Variants in PDLIM5 observed in about 807,000 individuals in gnomAD.
PDLIM5 encodes the protein PDZ and LIM domain protein 5.
A neutral mutation model predicts 64.2 loss-of-function variants in PDLIM5; 34 were observed. The observed-to-expected ratio is 0.53, with a 90% CI of 0.40 to 0.71. PDLIM5 has a LOEUF of 0.71. PDLIM5 is among the 30% of genes least tolerant of loss of function. The probability of loss-of-function intolerance (pLI) is 0.00; values close to 1 mark genes in which losing one functional copy is unlikely to be tolerated. For missense variants in PDLIM5, 683 were observed against 733.6 expected (o/e 0.93, Z 0.80); for synonymous variants, 253 against 269.1 (o/e 0.94, Z 0.59).
intron 3 of PDLIM5, among the ~76,000 whole-genome samples, chr4:94,572,683 T>C (rs1734908533): frequency 6.6e-6 from 1 of 152,220 alleles, no homozygotes; most frequent in Non-Finnish European, 1.5e-5. Context: ...CACTTATTAC[T>C]GATGACCTGT....
At position 94,608,388 on chromosome 4, in the gene PDLIM5, A is replaced by G. The variant is rs550721357; in HGVS notation, c.921-9616A>G. ...TTTAGTTTATAACTTCTAATATAGA[A>G]TCAAGAAATCTCTTTCATTTATTCA... On this transcript the variant is annotated intron_variant, in intron 7 of 12. Coordinates refer to ENST00000317968, the MANE Select transcript of PDLIM5 (RefSeq NM_006457.5). 7.2e-5 allele frequency among the ~76,000 whole-genome samples: 11 copies of G among 152,336 alleles called. 1 individual carries two copies. Among genetic ancestry groups the G allele is most frequent in the Admixed American group, 5.2e-4 (8 of 15,294 alleles).
intron 2 of PDLIM5, chr4:94,456,675 T>TA (rs1339237852): frequency 8.4e-7 from 1 of 1,194,126 alleles, no homozygotes; most frequent in Non-Finnish European, 1.1e-6. Context: ...ATATTACTGT[T>TA]ACAGTGGTAC....
chr4:94,572,224 G>A (rs187015577), intron 3 of PDLIM5, among the ~76,000 whole-genome samples: 5 of 152,058 alleles, frequency 3.3e-5, no homozygotes, highest in Middle Eastern at 3.2e-3. Context: ...TCTGTGCTTG[G>A]TGTGTTATCC....
In PDLIM5 at chr4:94,523,736, G is replaced by C; in HGVS notation, c.109G>C (p.Gly37Arg). The C allele has an allele frequency of 6.2e-7, 1 of 1,611,988 alleles. No homozygotes were observed. Among genetic ancestry groups the C allele is most frequent in the Non-Finnish European group, 8.5e-7 (1 of 1,178,360 alleles). Residue 37 changes from glycine to arginine, a missense_variant, in exon 3 of 13, where the codon GGC (glycine) becomes CGC (arginine). Gly to Arg is a moderately radical substitution (Grantham distance 125, BLOSUM62 -2). Coordinates refer to ENST00000317968, the MANE Select transcript of PDLIM5 (RefSeq NM_006457.5). Reference sequence around the variant, plus strand: ...ATATTTATTACAGCTAAAAGATGGCGGCAAGGCAGCCCAGGCAAATGTAAG... The same window carrying C: ...ATATTTATTACAGCTAAAAGATGGCCGCAAGGCAGCCCAGGCAAATGTAAG... ...PLTISSLKDG[G>R]KAAQANVRIG... is the part of the protein sequence containing the mutation.
intron 7 of PDLIM5, chr4:94,608,293 C>G (rs9307146): frequency 6.8e-6 from 4 of 584,482 alleles, no homozygotes; most frequent in African/African-American, 3.8e-5. Flanking sequence ...CATCATTAAC[C>G]TATAGACAAG....
chr4:94,527,371 A>T (rs905336945), intron 3 of PDLIM5, among the ~76,000 whole-genome samples: 1 of 152,046 alleles, frequency 6.6e-6, no homozygotes, highest in African/African-American at 2.4e-5. Flanking sequence ...AGCATTCTTA[A>T]TTGTCCTCTG....
chr4:94,494,160 G>T (rs759808431), intron 2 of PDLIM5, among the ~76,000 whole-genome samples: 7 of 151,866 alleles, frequency 4.6e-5, no homozygotes, highest in Non-Finnish European at 1.0e-4. Flanking sequence ...TGGAGATGGG[G>T]TCTTGCTCTG....
chr4:94,654,909 G>T (rs1296813110), intron 10 of PDLIM5, among the ~76,000 whole-genome samples: 1 of 152,240 alleles, frequency 6.6e-6, no homozygotes, highest in East Asian at 1.9e-4. Context: ...ATAATTTACT[G>T]TGGGTGTGCT....
chr4:94,612,859 T>A (rs920554317), intron 7 of PDLIM5, among the ~76,000 whole-genome samples: 1 of 151,778 alleles, frequency 6.6e-6, no homozygotes, highest in Non-Finnish European at 1.5e-5. Flanking sequence ...GTGATAGTAA[T>A]CTTTAAAAGT....
intron 2 of PDLIM5, 130 bp downstream of exon 2, chr4:94,455,514 T>G: frequency 1.4e-6 from 1 of 721,068 alleles, no homozygotes; most frequent in Non-Finnish European, 2.4e-6. Flanking sequence ...CTTGGCAAAT[T>G]TGATTATCTA....
At chr4:94,513,169 C>T (rs752801520) in intron 2 of PDLIM5, among the ~76,000 whole-genome samples, 3 of 152,074 alleles carry the variant, frequency 2.0e-5, no homozygotes. Context: ...TAATGTGATT[C>T]CTCCAGTTTT....
At chr4:94,489,065 A>G (rs374595775) in intron 2 of PDLIM5, 8 of 152,374 alleles carry the variant, frequency 5.3e-5, no homozygotes, top group African/African-American at 1.7e-4. Context: ...TGGAATGGTC[A>G]TAAAGGTGTG....
intron 7 of PDLIM5, among the ~76,000 whole-genome samples, chr4:94,604,564 G>A (rs1385048086): frequency 1.3e-5 from 2 of 152,186 alleles, no homozygotes. Context: ...AACCAGGGAG[G>A]TGGAGGTTGC....
At chr4:94,487,492 T>A (rs1726458657) in intron 2 of PDLIM5, among the ~76,000 whole-genome samples, 1 of 152,236 alleles carries the variant, frequency 6.6e-6, no homozygotes, top group Non-Finnish European at 1.5e-5. Flanking sequence ...ATTAGGTTTC[T>A]GTGTATAGTT....
chr4:94,604,175 A>T (rs1461923998), intron 7 of PDLIM5, among the ~76,000 whole-genome samples: 1 of 152,228 alleles, frequency 6.6e-6, no homozygotes, highest in Non-Finnish European at 1.5e-5. Flanking sequence ...CAGGCAGGTA[A>T]ATAGGGTTGA....
In PDLIM5 at chr4:94,654,552, T is replaced by C. The variant is rs1220010425; in HGVS notation, c.1376T>C (p.Val459Ala). 6.2e-7 allele frequency: 1 copy of C among 1,612,542 alleles called. No individual in the cohort carries two copies. The highest frequency in any genetic ancestry group is 8.5e-7 in the Non-Finnish European group (1 of 1,178,666). Reference protein sequence around the residue: ...CKNTMAYIGFVEEKGALYCEL... With the variant: ...CKNTMAYIGFAEEKGALYCEL... Reference sequence around the variant, plus strand: ...AATACAATGGCCTACATTGGATTTGTAGAGGAGAAAGGAGCCCTGTATTGT... The same window carrying C: ...AATACAATGGCCTACATTGGATTTGCAGAGGAGAAAGGAGCCCTGTATTGT... The change falls in exon 10 of 13, where the codon GTA (valine) becomes GCA (alanine). Residue 459 changes from valine (V) to alanine (A), a missense_variant. By Grantham distance (64) the Val-to-Ala change is moderately conservative. Transcript: ENST00000317968.
At chr4:94,493,814 G>T (rs1415036999) in intron 2 of PDLIM5, among the ~76,000 whole-genome samples, 2 of 152,106 alleles carry the variant, frequency 1.3e-5, no homozygotes, top group Non-Finnish European at 2.9e-5. Flanking sequence ...GTTTAGAAGT[G>T]TACATTTTTC....
chr4:94,552,999 G>A (rs568828694), intron 3 of PDLIM5, among the ~76,000 whole-genome samples: 1 of 152,050 alleles, frequency 6.6e-6, no homozygotes, highest in Non-Finnish European at 1.5e-5. Context: ...AACCCCAGTC[G>A]TTTCTTTTTT....
chr4:94,547,343 T>C (rs1732413929), intron 3 of PDLIM5, among the ~76,000 whole-genome samples: 1 of 152,150 alleles, frequency 6.6e-6, no homozygotes, highest in Non-Finnish European at 1.5e-5. Flanking sequence ...TTCCAGTTTC[T>C]GGAGACTACC....
Sources: gnomAD v4.1 joint callset for allele counts (sites outside exome capture counted in the v4.1 genomes callset) on GRCh38, gnomAD v4.1.1 for gene constraint, MANE v1.5 for transcripts, NCBI Gene and HGNC (gene_info 2026-07-23, HGNC 2026-07-21) for gene names.